The following HS6ST3 variants were observed in gnomAD, a reference collection of about 807,000 sequenced individuals.
HS6ST3 encodes the protein heparan sulfate 6-O-sulfotransferase 3, also known as heparan-sulfate 6-O-sulfotransferase 3.
Under a neutral mutation model 36.7 loss-of-function variants are expected in HS6ST3, and 12 were observed. That is an observed-to-expected ratio of 0.33 (90% CI 0.21 to 0.53). HS6ST3 has a LOEUF of 0.53. Ranked by LOEUF, HS6ST3 falls within the 20% of genes least tolerant of loss-of-function variation. The pLI, the probability that HS6ST3 is intolerant of heterozygous loss-of-function variation, is 0.95. For synonymous variants in HS6ST3, 240 were observed against 257.5 expected (o/e 0.93, Z 0.65); for missense variants, 584 against 640.9 (o/e 0.91, Z 0.96).
chr13:96,675,440 A>C (rs1048446972), intron 1 of HS6ST3, among the ~76,000 whole-genome samples: 1 of 152,092 alleles, frequency 6.6e-6, no homozygotes, highest in African/African-American at 2.4e-5. Context: ...TTTTCAATAT[A>C]AAAAGATATA....
intron 1 of HS6ST3, among the ~76,000 whole-genome samples, chr13:96,330,209 A>T (rs1177058910): frequency 0.014 from 2,040 of 148,954 alleles, 23 homozygotes; most frequent in East Asian, 0.051. Context: ...TTATGTGTGA[A>T]TTTGATCCTG....
chr13:96,808,294 T>C (rs1878242889), intron 1 of HS6ST3, among the ~76,000 whole-genome samples: 1 of 152,188 alleles, frequency 6.6e-6, no homozygotes, highest in Non-Finnish European at 1.5e-5. Flanking sequence ...CCTGACCCCA[T>C]TGTGGCTGGG....
rs1305744208 is a variant in HS6ST3, at chr13:96,660,199, A to C, written c.708-172291A>C. On this transcript the variant is annotated intron_variant, in intron 1 of 1. Transcript: ENST00000376705. ...ACAGTATCAGAAGAACTGAGTTTCT[A>C]TCAAGATTCTACCACTTATTAACCA... Among the ~76,000 whole-genome samples, 4 of 152,140 alleles carry C rather than the reference A, an allele frequency of 2.6e-5. 1 individual carries two copies. Among genetic ancestry groups the C allele is most frequent in the Non-Finnish European group, 4.4e-5 (3 of 67,990 alleles).
At chr13:96,680,445 G>A (rs553029522) in intron 1 of HS6ST3, among the ~76,000 whole-genome samples, 2 of 152,258 alleles carry the variant, frequency 1.3e-5, no homozygotes, top group African/African-American at 4.8e-5. Flanking sequence ...TGTCATTTGA[G>A]GCTGGGTGGT....
intron 1 of HS6ST3, among the ~76,000 whole-genome samples, chr13:96,310,453 G>A (rs2054934733): frequency 6.6e-6 from 1 of 152,098 alleles, no homozygotes; most frequent in Non-Finnish European, 1.5e-5. Flanking sequence ...GAAAGTTTGA[G>A]AGATTCTAAA....
intron 1 of HS6ST3, among the ~76,000 whole-genome samples, chr13:96,803,663 C>G (rs1423729930): frequency 6.6e-6 from 1 of 152,078 alleles, no homozygotes; most frequent in Admixed American, 6.6e-5. Context: ...TGAAATCTTG[C>G]CAGAATTTAT....
At chr13:96,825,069 G>A (rs1208367051) in intron 1 of HS6ST3, among the ~76,000 whole-genome samples, 3 of 152,172 alleles carry the variant, frequency 2.0e-5, no homozygotes, top group African/African-American at 7.2e-5. Context: ...AGCAGGCTGG[G>A]TGGAGGAGTT....
At chr13:96,541,889 A>G (rs925765110) in intron 1 of HS6ST3, among the ~76,000 whole-genome samples, 24 of 152,234 alleles carry the variant, frequency 1.6e-4, no homozygotes, top group Non-Finnish European at 2.1e-4. Flanking sequence ...ATTTAGAAGC[A>G]GTTCCACAAT....
intron 1 of HS6ST3, among the ~76,000 whole-genome samples, chr13:96,323,617 C>T (rs141947960): frequency 2.6e-5 from 4 of 152,308 alleles, no homozygotes; most frequent in East Asian, 3.9e-4. Context: ...CTCTCAGGAC[C>T]TTTGCCCTCC....
intron 1 of HS6ST3, among the ~76,000 whole-genome samples, chr13:96,215,520 A>G (rs1001727207): frequency 3.3e-5 from 5 of 152,212 alleles, no homozygotes; most frequent in African/African-American, 7.2e-5. Flanking sequence ...TTCTGTGGAA[A>G]ATGAATATTA....
chr13:96,427,651 T>C (rs1230734909), intron 1 of HS6ST3, among the ~76,000 whole-genome samples: 1 of 152,194 alleles, frequency 6.6e-6, no homozygotes, highest in Non-Finnish European at 1.5e-5. Flanking sequence ...TTCCCTAATA[T>C]TTAACATCTT....
intron 1 of HS6ST3, among the ~76,000 whole-genome samples, chr13:96,244,336 C>T (rs925177239): frequency 6.6e-6 from 1 of 152,058 alleles, no homozygotes; most frequent in Admixed American, 6.6e-5. Flanking sequence ...TGACTTTATG[C>T]TAAAGTAAAC....
chr13:96,349,637 A>G (rs563579222), intron 1 of HS6ST3, among the ~76,000 whole-genome samples: 526 of 152,306 alleles, frequency 3.5e-3, no homozygotes, highest in South Asian at 6.6e-3. Flanking sequence ...TCCTTATAGC[A>G]TGTTTATCTT....
At chr13:96,614,325 A>C (rs1397424924) in intron 1 of HS6ST3, among the ~76,000 whole-genome samples, 3 of 144,242 alleles carry the variant, frequency 2.1e-5, no homozygotes, top group Admixed American at 6.9e-5. Flanking sequence ...AAAAAAAAAA[A>C]AAACAGTTAT....
At chr13:96,477,265 G>A (rs2055868741) in intron 1 of HS6ST3, among the ~76,000 whole-genome samples, 1 of 152,112 alleles carries the variant, frequency 6.6e-6, no homozygotes, top group Non-Finnish European at 1.5e-5. Context: ...CTGGGAGACT[G>A]GGATAATGGA....
At chr13:96,588,403 T>A (rs2056369905) in intron 1 of HS6ST3, among the ~76,000 whole-genome samples, 1 of 152,172 alleles carries the variant, frequency 6.6e-6, no homozygotes, top group Non-Finnish European at 1.5e-5. Context: ...GAGGTACATT[T>A]TTTCCATACC....
chr13:96,413,543 G>T (rs2055518826), intron 1 of HS6ST3, among the ~76,000 whole-genome samples: 1 of 152,140 alleles, frequency 6.6e-6, no homozygotes, highest in Admixed American at 6.6e-5. Context: ...AATTTGTAGA[G>T]GATACTGAAG....
chr13:96,702,244 A>C (rs1472473720), intron 1 of HS6ST3, among the ~76,000 whole-genome samples: 1 of 152,214 alleles, frequency 6.6e-6, no homozygotes, highest in Non-Finnish European at 1.5e-5. Flanking sequence ...CACTCCCCTT[A>C]TATCAAAAGC....
intron 1 of HS6ST3, among the ~76,000 whole-genome samples, chr13:96,520,524 A>G (rs1290756815): frequency 6.6e-6 from 1 of 152,022 alleles, no homozygotes; most frequent in African/African-American, 2.4e-5. Flanking sequence ...GTCCTTTCTT[A>G]TTTCCTTGAG....
Sources: gnomAD v4.1 joint callset for allele counts (sites outside exome capture counted in the v4.1 genomes callset) on GRCh38, gnomAD v4.1.1 for gene constraint, MANE v1.5 for transcripts, NCBI Gene and HGNC (gene_info 2026-07-23, HGNC 2026-07-21) for gene names.